The following RIOK1 variants were observed in gnomAD, a reference collection of about 807,000 sequenced individuals.
RIOK1 encodes the protein RIO kinase 1.
RIOK1 carries 66 observed loss-of-function variants against 73.5 expected under a neutral mutation model. The ratio of observed to expected loss-of-function variants is 0.90; its 90% CI spans 0.74 to 1.10. RIOK1 has a LOEUF of 1.10. RIOK1 is among the 50% of genes least tolerant of loss of function. The pLI, the probability that RIOK1 is intolerant of heterozygous loss-of-function variation, is 0.00. For missense variants in RIOK1, 658 were observed against 699.8 expected, an observed-to-expected ratio of 0.94 and a Z score of 0.67; for synonymous variants, 224 against 226.8, an observed-to-expected ratio of 0.99 and a Z score of 0.11.
intron 14 of RIOK1, 28 bp from the exon 15 acceptor site, chr6:7,412,860 TA>T: frequency 1.6e-6 from 2 of 1,276,480 alleles, no homozygotes; most frequent in East Asian, 2.5e-5. Flanking sequence ...TGTTGATCCT[TA>T]TTTTTTTTTT....
intron 3 of RIOK1, among the ~76,000 whole-genome samples, chr6:7,396,332 T>C (rs1192297385): frequency 1.3e-5 from 2 of 152,344 alleles, no homozygotes; most frequent in East Asian, 1.9e-4. Context: ...CATAGACTTA[T>C]AACTTGAAGT....
chr6:7,402,032 A>G (rs894620563), intron 6 of RIOK1, among the ~76,000 whole-genome samples: 1 of 152,196 alleles, frequency 6.6e-6, no homozygotes, highest in African/African-American at 2.4e-5. Context: ...CTTGAGATAT[A>G]AAAAAGTTTG....
intron 1 of RIOK1, among the ~76,000 whole-genome samples, chr6:7,391,791 C>A (rs1761349489): frequency 6.6e-6 from 1 of 152,152 alleles, no homozygotes; most frequent in Non-Finnish European, 1.5e-5. Flanking sequence ...TCCCCCACAA[C>A]GAAGAATTAT....
chr6:7,409,213 T>TTGTGTGTGTGTGTGTG (rs58234662), intron 12 of RIOK1, among the ~76,000 whole-genome samples: 1 of 88,176 alleles, frequency 1.1e-5, no homozygotes, highest in Admixed American at 1.2e-4. Flanking sequence ...TCCCGACTAA[T>TTGTGTGTGTGTGTGTG]TGTGTGTGTG....
Position 7,403,918 on chromosome 6 carries a change from TTTTA to T in RIOK1, c.768-19_768-16del, listed in dbSNP as rs767311897. 6.4e-7 allele frequency: 1 copy of T among 1,567,774 alleles called. No individual in the cohort carries two copies. Among genetic ancestry groups the T allele is most frequent in the South Asian group, 1.1e-5 (1 of 89,024 alleles). ...TGCCTTTTCAACTTTTCAGTTGTCC[TTTTA>T]TTTGTTATAATATCACAGGCTAAAC... On this transcript the variant is annotated intron_variant, in intron 8 of 16. Transcript: ENST00000379834.
intron 16 of RIOK1, among the ~76,000 whole-genome samples, chr6:7,414,962 C>G (rs1164094723): frequency 6.6e-6 from 1 of 152,218 alleles, no homozygotes; most frequent in African/African-American, 2.4e-5. Flanking sequence ...GTCGACACTC[C>G]CCACCCGTTA....
Position 7,393,201 on chromosome 6 carries a change from G to C in RIOK1, c.174G>C (p.Glu58Asp), listed in dbSNP as rs1251079981. Residue 58 changes from glutamate to aspartate, a missense_variant, in exon 2 of 17, where the codon GAG becomes GAC. Coordinates refer to ENST00000379834, the MANE Select transcript of RIOK1 (RefSeq NM_031480.3). The stretch of plus-strand genomic sequence containing the variant: ...ATGGTGAAGGTGAAATAGAAGATGA[G>C]GAGGAGGAGGGTTATGACGATGATG... ...NENGEGEIED[E>D]EEEGYDDDDD... The C allele has an allele frequency of 6.2e-7, 1 of 1,607,740 alleles. No homozygotes were observed. Among genetic ancestry groups the C allele is most frequent in the Non-Finnish European group, 8.5e-7 (1 of 1,174,320 alleles).
In RIOK1 at chr6:7,412,915, G is replaced by A; in HGVS notation, c.1416G>A (p.Leu472=). 6.4e-7 allele frequency: 1 copy of A among 1,551,366 alleles called. No individual in the cohort carries two copies. The highest frequency in any genetic ancestry group is 8.7e-7 in the Non-Finnish European group (1 of 1,151,706). ...TTCTATACCAGACTGTTACAGGATT[G>A]AAGAAAGATTTGTCAGGAGTTCAGA... is the stretch of plus-strand genomic sequence containing the variant. The part of the protein sequence containing the change: ...DNILYQTVTG[L]KKDLSGVQKV... Residue 472 remains leucine, a synonymous_variant, in exon 15 of 17, where the codon TTG becomes TTA. Transcript: ENST00000379834.
intron 5 of RIOK1, among the ~76,000 whole-genome samples, chr6:7,399,645 T>C (rs1246113599): frequency 6.6e-6 from 1 of 152,212 alleles, no homozygotes; most frequent in African/African-American, 2.4e-5. Flanking sequence ...CCTGTTTTGT[T>C]CTTAAGCCAT....
rs184187101 is a variant in RIOK1, at chr6:7,413,903, T to G, written c.1444-335T>G. On this transcript the variant is annotated intron_variant, in intron 15 of 16. Transcript: ENST00000379834. ...GAAGTTATCCATATAAATCTTCATT[T>G]TCTACCTCTATGTATATTTTGCCTC... Among the ~76,000 whole-genome samples, 26 of 152,336 alleles carry G rather than the reference T, an allele frequency of 1.7e-4. No homozygotes were observed. The East Asian group carries it at 5.0e-3, about 29-fold the overall frequency.
chr6:7,412,799 A>C, intron 14 of RIOK1, 90 bp from the exon 15 acceptor site: 1 of 530,034 alleles, frequency 1.9e-6, no homozygotes, highest in Non-Finnish European at 3.2e-6. Context: ...ACATTATTTA[A>C]CCCACATTGT....
chr6:7,395,205 T>A, intron 3 of RIOK1, 62 bp downstream of exon 3: 1 of 1,532,690 alleles, frequency 6.5e-7, no homozygotes, highest in African/African-American at 1.4e-5. Flanking sequence ...TGGAGTGTTG[T>A]ATAATTTTAT....
rs187710080 is a variant in RIOK1 at position 7,408,289 on chromosome 6, G to A, written c.1204-2097G>A. On this transcript the variant is annotated intron_variant, in intron 12 of 16. Transcript: ENST00000379834. ...TGACCTCAGGAGATCCGCCTGCCTC[G>A]GCCTCCCAAAGTGCTGGGATTACAG... is the stretch of plus-strand genomic sequence containing the variant. Among the ~76,000 whole-genome samples, 769 of 152,268 alleles carry A rather than the reference G, an allele frequency of 5.1e-3. 5 individuals carry two copies. Among genetic ancestry groups the A allele is most frequent in the Non-Finnish European group, 8.4e-3 (571 of 68,024 alleles).
At chr6:7,392,811 A>G in intron 1 of RIOK1, 2 of 397,842 alleles carry the variant, frequency 5.0e-6, no homozygotes, top group Non-Finnish European at 6.8e-6. Flanking sequence ...TTCAGCAGAG[A>G]AGATAACAAT....
In RIOK1 at chr6:7,389,969, G is replaced by T. The variant is rs1311759554; in HGVS notation, c.-34G>T. 3.3e-6 allele frequency: 5 copies of T among 1,531,684 alleles called. No homozygotes were observed. The highest frequency in any genetic ancestry group is 3.9e-5 in the Admixed American group (2 of 50,678). The allele number at this position is 1,531,684 out of a possible 1,614,324, so 94.9% of individuals were successfully genotyped here. ...TCCGTCTGAGCCGTTCCTTTCCATC[G>T]CAGAGCGGCGGCCTCCGGCGGCGCT... On this transcript the variant is annotated 5_prime_UTR_variant, in exon 1 of 17. Transcript: ENST00000379834.
intron 16 of RIOK1, among the ~76,000 whole-genome samples, chr6:7,416,445 G>C (rs576315539): frequency 6.6e-6 from 1 of 152,088 alleles, no homozygotes; most frequent in Non-Finnish European, 1.5e-5. Flanking sequence ...TCAGGAGATC[G>C]AGACCATCCT....
At chr6:7,413,059 A>G in intron 15 of RIOK1, 117 bp downstream of exon 15, 1 of 518,000 alleles carries the variant, frequency 1.9e-6, no homozygotes. Context: ...GTTATTTTAT[A>G]TTGTTAAAAT....
Position 7,404,416 on chromosome 6 carries a change from A to G in RIOK1, c.855-2A>G. 6.2e-7 allele frequency: 1 copy of G among 1,613,872 alleles called. No individual in the cohort carries two copies. The highest frequency in any genetic ancestry group is 8.5e-7 in the Non-Finnish European group (1 of 1,179,936). ...ATTTTATCTTAGTTCTTTTCATTCA[A>G]GGCCTGCACCACTCTTGAAAAATGT... is the stretch of plus-strand genomic sequence containing the variant. On this transcript the variant is annotated splice_acceptor_variant, in intron 9 of 16. Coordinates refer to ENST00000379834, the MANE Select transcript of RIOK1 (RefSeq NM_031480.3). LOFTEE classifies it high-confidence loss of function.
chr6:7,411,776 T>C (rs1416160364), intron 14 of RIOK1, among the ~76,000 whole-genome samples: 1 of 152,250 alleles, frequency 6.6e-6, no homozygotes, highest in African/African-American at 2.4e-5. Flanking sequence ...TCAGGAACAA[T>C]TTCTTTTTGG....
Sources: gnomAD v4.1 joint callset for allele counts (sites outside exome capture counted in the v4.1 genomes callset) on GRCh38, gnomAD v4.1.1 for gene constraint, MANE v1.5 for transcripts, NCBI Gene and HGNC (gene_info 2026-07-23, HGNC 2026-07-21) for gene names.